PLCL1: variants seen among roughly 807,000 people sequenced by gnomAD.
PLCL1 encodes inactive phospholipase C-like protein 1.
PLCL1 carries 41 observed loss-of-function variants against 84.4 expected under a neutral mutation model. The observed-to-expected ratio is 0.49, with a 90% CI of 0.38 to 0.63. PLCL1 has a LOEUF of 0.63. Among genes scored for constraint, PLCL1 ranks in the 30% least tolerant of loss-of-function variants. The probability of loss-of-function intolerance (pLI) is 0.00; values close to 1 mark genes in which losing one functional copy is unlikely to be tolerated. For synonymous variants in PLCL1, 490 were observed against 488.3 expected (o/e 1.00, Z -0.05); for missense variants, 1,206 against 1,367.8 (o/e 0.88, Z 1.87).
At chr2:197,845,429 G>T (rs1056350044) in intron 1 of PLCL1, among the ~76,000 whole-genome samples, 14 of 152,068 alleles carry the variant, frequency 9.2e-5, no homozygotes, top group African/African-American at 3.4e-4. Flanking sequence ...TAGAAATGTT[G>T]GCCATGAAGT....
chr2:198,084,938 TAATA>T lies in PLCL1; in HGVS notation c.1429_1432del (p.Lys477LeufsTer25), dbSNP rs778940363. On this transcript the variant is annotated frameshift_variant, in exon 2 of 6. Coordinates refer to ENST00000428675, the MANE Select transcript of PLCL1 (RefSeq NM_006226.4). LOFTEE classifies it high-confidence loss of function. ...GTTTCCTTTCGAAGTGTCATAGAGG[TAATA>T]AATAAATTTGCCTTTGTTGCTTCTG... 4.3e-6 allele frequency: 7 copies of T among 1,613,778 alleles called. No individual in the cohort carries two copies. The highest frequency in any genetic ancestry group is 5.9e-6 in the Non-Finnish European group (7 of 1,179,908).
At chr2:197,885,848 C>A (rs910066255) in intron 1 of PLCL1, among the ~76,000 whole-genome samples, 9 of 152,184 alleles carry the variant, frequency 5.9e-5, no homozygotes, top group Non-Finnish European at 8.8e-5. Flanking sequence ...GACATATTCT[C>A]CTGCATCATC....
At position 198,040,590 on chromosome 2, in the gene PLCL1, A is replaced by C. The variant is rs79325396; in HGVS notation, c.241-43168A>C. On this transcript the variant is annotated intron_variant, in intron 1 of 5. Coordinates refer to ENST00000428675, the MANE Select transcript of PLCL1 (RefSeq NM_006226.4). Reference sequence around the variant, plus strand: ...AGAGGAGGATCTGAGGAGGCTTATGAGCTTCCCTGGGAATTGCTTTCTTCT... The same window carrying C: ...AGAGGAGGATCTGAGGAGGCTTATGCGCTTCCCTGGGAATTGCTTTCTTCT... Among the ~76,000 whole-genome samples the C allele has an allele frequency of 3.3e-3, 503 of 152,142 alleles. 2 individuals carry two copies. Among genetic ancestry groups the C allele is most frequent in the African/African-American group, 0.011 (466 of 41,512 alleles).
intron 1 of PLCL1, among the ~76,000 whole-genome samples, chr2:197,977,547 CTTTT>C (rs576775265): frequency 6.6e-6 from 1 of 152,282 alleles, no homozygotes; most frequent in South Asian, 2.1e-4. Flanking sequence ...CTACTTGTTT[CTTTT>C]TTTGTTTCAA....
intron 5 of PLCL1, among the ~76,000 whole-genome samples, chr2:198,145,644 A>G (rs1559120339): frequency 6.6e-6 from 1 of 152,248 alleles, no homozygotes; most frequent in Non-Finnish European, 1.5e-5. Flanking sequence ...ATATAATTAA[A>G]AGCTGCTATT....
chr2:197,896,701 C>T (rs1688142121), intron 1 of PLCL1, among the ~76,000 whole-genome samples: 1 of 152,034 alleles, frequency 6.6e-6, no homozygotes. Context: ...AGTTTTGCTG[C>T]TTAAAGTTTG....
chr2:197,862,030 C>A (rs1687442029), intron 1 of PLCL1, among the ~76,000 whole-genome samples: 1 of 152,148 alleles, frequency 6.6e-6, no homozygotes, highest in East Asian at 1.9e-4. Context: ...ACCAATAAAG[C>A]AAACTTCTAG....
chr2:197,950,690 T>C (rs544673137), intron 1 of PLCL1, among the ~76,000 whole-genome samples: 1 of 152,074 alleles, frequency 6.6e-6, no homozygotes, highest in East Asian at 1.9e-4. Flanking sequence ...TATAATAGAA[T>C]TAAAAAATAT....
chr2:197,864,731 C>T (rs189494559), intron 1 of PLCL1, among the ~76,000 whole-genome samples: 1 of 152,172 alleles, frequency 6.6e-6, no homozygotes, highest in Non-Finnish European at 1.5e-5. Flanking sequence ...GCCTTGGCCT[C>T]CCAAAGTACT....
At chr2:198,139,232 A>G (rs181199555) in intron 5 of PLCL1, among the ~76,000 whole-genome samples, 1 of 152,034 alleles carries the variant, frequency 6.6e-6, no homozygotes, top group Non-Finnish European at 1.5e-5. Context: ...TGGGATTATC[A>G]GCTTTTTCTT....
chr2:198,070,442 T>A (rs1184975972), intron 1 of PLCL1, among the ~76,000 whole-genome samples: 2 of 152,094 alleles, frequency 1.3e-5, no homozygotes, highest in Non-Finnish European at 2.9e-5. Context: ...TGTTTAAATA[T>A]TTATAAGACT....
At chr2:197,907,947 G>T (rs1169095096) in intron 1 of PLCL1, among the ~76,000 whole-genome samples, 1 of 152,128 alleles carries the variant, frequency 6.6e-6, no homozygotes. Flanking sequence ...AGCAGCTAAG[G>T]TTGAGGGCCA....
At position 198,033,681 on chromosome 2, in the gene PLCL1, T is replaced by C. The variant is rs78058325; in HGVS notation, c.241-50077T>C. On this transcript the variant is annotated intron_variant, in intron 1 of 5. Coordinates refer to ENST00000428675, the MANE Select transcript of PLCL1 (RefSeq NM_006226.4). Reference sequence around the variant, plus strand: ...TCATCTTGTTTACCTTTGTGTAACATTGGAAATCACCCATCCCCTTTTCTG... The same window carrying C: ...TCATCTTGTTTACCTTTGTGTAACACTGGAAATCACCCATCCCCTTTTCTG... Among the ~76,000 whole-genome samples, 360 of 152,312 alleles carry C rather than the reference T, an allele frequency of 2.4e-3. 2 individuals are homozygous for C. Among genetic ancestry groups the C allele is most frequent in the East Asian group, 0.014 (75 of 5,174 alleles).
intron 1 of PLCL1, among the ~76,000 whole-genome samples, chr2:197,836,982 G>T (rs1201190362): frequency 3.3e-5 from 5 of 152,138 alleles, no homozygotes; most frequent in Non-Finnish European, 7.3e-5. Context: ...TTATAGGTAT[G>T]AGCCACTGTG....
intron 1 of PLCL1, among the ~76,000 whole-genome samples, chr2:197,830,297 C>T (rs1211240148): frequency 6.6e-6 from 1 of 151,842 alleles, no homozygotes; most frequent in Non-Finnish European, 1.5e-5. Flanking sequence ...GGATTGCTAA[C>T]TAGAATAACC....
intron 1 of PLCL1, among the ~76,000 whole-genome samples, chr2:198,057,791 T>C (rs1692103713): frequency 6.6e-6 from 1 of 152,206 alleles, no homozygotes; most frequent in Non-Finnish European, 1.5e-5. Context: ...AGTGCTACTC[T>C]TATTAACTAG....
At chr2:197,937,007 C>A (rs1208072516) in intron 1 of PLCL1, among the ~76,000 whole-genome samples, 1 of 152,174 alleles carries the variant, frequency 6.6e-6, no homozygotes, top group Non-Finnish European at 1.5e-5. Context: ...TATGGATACC[C>A]AGTTTTCCCA....
intron 1 of PLCL1, among the ~76,000 whole-genome samples, chr2:197,903,305 CTTTA>C (rs1407554856): frequency 6.6e-6 from 1 of 152,076 alleles, no homozygotes; most frequent in African/African-American, 2.4e-5. Context: ...TTCAATAAAA[CTTTA>C]TTTATAAAAG....
intron 1 of PLCL1, among the ~76,000 whole-genome samples, chr2:198,057,577 A>G (rs959580417): frequency 6.6e-6 from 1 of 152,332 alleles, no homozygotes. Flanking sequence ...GTGAAAATCC[A>G]TCAAGATGTA....
Sources: allele counts gnomAD v4.1 joint callset (sites outside exome capture counted in the v4.1 genomes callset), GRCh38; gene constraint gnomAD v4.1.1; transcripts MANE v1.5; gene names NCBI Gene and HGNC (gene_info 2026-07-23, HGNC 2026-07-21).